Variants in TMEM125 observed in about 807,000 individuals in gnomAD.
The protein encoded by TMEM125 is transmembrane protein 125.
A neutral mutation model predicts 8.7 loss-of-function variants in TMEM125; 11 were observed. The ratio of observed to expected loss-of-function variants is 1.26; its 90% confidence interval spans 0.79 to 2.08. The LOEUF (loss-of-function observed/expected upper bound fraction) is 2.08. Ranked by LOEUF, TMEM125 falls within the 30% of genes most tolerant of loss-of-function variation. TMEM125 has a pLI of 0.00. For synonymous variants in TMEM125, 144 were observed against 146.1 expected, an observed-to-expected ratio of 0.99 and a Z score of 0.10; for missense variants, 270 against 302.4, an observed-to-expected ratio of 0.89 and a Z score of 0.79.
chr1:43,270,423 G>A (rs1442188055), intron 1 of TMEM125, among the ~76,000 whole-genome samples: 3 of 152,110 alleles, frequency 2.0e-5, no homozygotes, highest in Admixed American at 6.5e-5. Context: ...TAGAGTTAGG[G>A]GTTGGTTTTG....
rs1646510866 is a variant in TMEM125 at position 43,273,553 on chromosome 1, C to A, written c.*171C>A. ...GATTAAAAGCCCATGTGTTCCCACA[C>A]ATCCACATCATGGGAAGGTTAATGT... is the stretch of plus-strand genomic sequence containing the variant. On this transcript the variant is annotated 3_prime_UTR_variant, in exon 4 of 4. Coordinates refer to ENST00000439858, the MANE Select transcript of TMEM125 (RefSeq NM_144626.3). The A allele has an allele frequency of 2.4e-6, 2 of 834,928 alleles. No homozygotes were observed. The highest frequency in any genetic ancestry group is 3.7e-6 in the Non-Finnish European group (2 of 538,104). The allele number at this position is 834,928 out of a possible 1,614,324, so 51.7% of individuals were successfully genotyped here.
Position 43,273,006 on chromosome 1 carries a change from A to G in TMEM125, c.284A>G (p.Asn95Ser), listed in dbSNP as rs769960743. The G allele has an allele frequency of 1.9e-6, 3 of 1,612,708 alleles. No homozygotes were observed. The highest frequency in any genetic ancestry group is 2.5e-6 in the Non-Finnish European group (3 of 1,179,082). Residue 95 changes from asparagine (N) to serine (S), a missense_variant, in exon 4 of 4, where the codon AAC becomes AGC. Transcript: ENST00000439858. ...ATGAGCTCGGCTGTGCAGGACATGA[A>G]CTGCATCCGCCAGGCCCACCATGTG... Reference protein sequence around the residue: ...QLMSSAVQDMNCIRQAHHVAL... With the variant: ...QLMSSAVQDMSCIRQAHHVAL...
intron 1 of TMEM125, among the ~76,000 whole-genome samples, 152 bp downstream of exon 1, chr1:43,270,237 T>C (rs1369179156): frequency 6.6e-6 from 1 of 151,962 alleles, no homozygotes; most frequent in Non-Finnish European, 1.5e-5. Context: ...TAGTCCAGAA[T>C]TTGAGTTGGA....
chr1:43,272,673 C>G lies in TMEM125; in HGVS notation c.-50C>G. The G allele has an allele frequency of 2.8e-6, 4 of 1,443,160 alleles. No individual in the cohort carries two copies. The highest frequency in any genetic ancestry group is 3.6e-6 in the Non-Finnish European group (4 of 1,100,628). The allele number at this position is 1,443,160 out of a possible 1,614,324, so 89.4% of individuals were successfully genotyped here. On this transcript the variant is annotated 5_prime_UTR_variant, in exon 4 of 4. Coordinates refer to ENST00000439858, the MANE Select transcript of TMEM125 (RefSeq NM_144626.3). This position sits in a 1 kb window ranked among gnomAD's most constrained non-coding sequence, Gnocchi z 5.0. The stretch of plus-strand genomic sequence containing the variant: ...GGTGCTCCAGGCTGTGATCTGAACC[C>G]TCTGACCCCTGACATTGACCTCCTA...
chr1:43,272,798 T>C lies in TMEM125; in HGVS notation c.76T>C (p.Trp26Arg). ...CATGCTGGCAGAGCAGGTGGAGCTGTGGTGGTCCCAGCAGCCGCGGCGCTC... is the reference window on the plus strand; with the variant it reads ...CATGCTGGCAGAGCAGGTGGAGCTGCGGTGGTCCCAGCAGCCGCGGCGCTC... ...PDMLAEQVELWWSQQPRRSAL... is the reference protein window; with the variant it reads ...PDMLAEQVELRWSQQPRRSAL... Residue 26 changes from tryptophan (W) to arginine (R), a missense_variant, in exon 4 of 4, where the codon TGG becomes CGG. Around this residue, in one of 3 missense-constraint regions of TMEM125, gnomAD observed 215 missense variants for 216.5 expected, o/e 0.99. Transcript: ENST00000439858. The surrounding 1 kb of genome is among the most constrained non-coding windows in gnomAD (Gnocchi z 5.0). 3 of 1,560,596 alleles carry C rather than the reference T, an allele frequency of 1.9e-6. No individual in the cohort carries two copies. The highest frequency in any genetic ancestry group is 2.6e-6 in the Non-Finnish European group (3 of 1,150,438).
Position 43,270,788 on chromosome 1 carries a change from C to T in TMEM125, c.-307C>T, listed in dbSNP as rs1479961210. The T allele has an allele frequency of 6.5e-6, 1 of 153,040 alleles. No individual in the cohort carries two copies. Among genetic ancestry groups the T allele is most frequent in the East Asian group, 1.9e-4 (1 of 5,182 alleles). 9.5% of individuals were successfully genotyped at this position (153,040 alleles called of 1,614,324 possible). A position where few individuals can be genotyped will look rare whatever the true frequency, so the allele number is the denominator to read the frequency against. On this transcript the variant is annotated 5_prime_UTR_variant, in exon 2 of 4. Coordinates refer to ENST00000439858, the MANE Select transcript of TMEM125 (RefSeq NM_144626.3). ...TCGGATCGGATCCAGCACATCCAGG[C>T]TTCTCGTGAGTTCCCCCATTGTCCC...
In TMEM125 at chr1:43,272,825, G is replaced by A; in HGVS notation, c.103G>A (p.Ala35Thr). 1 of 1,572,326 alleles carries A rather than the reference G, an allele frequency of 6.4e-7. No individual in the cohort carries two copies. Among genetic ancestry groups the A allele is most frequent in the Non-Finnish European group, 8.7e-7 (1 of 1,155,922 alleles). Reference sequence around the variant, plus strand: ...GTGGTCCCAGCAGCCGCGGCGCTCGGCGCTCTGCTTCGTCGTGGCCGTGGG... The same window carrying A: ...GTGGTCCCAGCAGCCGCGGCGCTCGACGCTCTGCTTCGTCGTGGCCGTGGG... Reference protein sequence around the residue: ...LWWSQQPRRSALCFVVAVGLV... With the variant: ...LWWSQQPRRSTLCFVVAVGLV... The change falls in exon 4 of 4, where the codon GCG (alanine) becomes ACG (threonine). Residue 35 changes from alanine (A) to threonine (T), a missense_variant. Coordinates refer to ENST00000439858, the MANE Select transcript of TMEM125 (RefSeq NM_144626.3). This position sits in a 1 kb window ranked among gnomAD's most constrained non-coding sequence, Gnocchi z 5.0.
chr1:43,270,083 G>T lies in TMEM125; in HGVS notation c.-417G>T, dbSNP rs1646480492. On this transcript the variant is annotated splice_region_variant and 5_prime_UTR_variant, in exon 1 of 4. It introduces an in-frame stop codon into an upstream open reading frame of the 5' UTR. Coordinates refer to ENST00000439858, the MANE Select transcript of TMEM125 (RefSeq NM_144626.3). ...GGCTGCAGCCTAGGGCCAAGGGATG[G>T]AGGTACTGGGGCTGTGTTTGGGGGT... 6.6e-6 allele frequency: 1 copy of T among 152,376 alleles called. No individual in the cohort carries two copies. The highest frequency in any genetic ancestry group is 2.4e-5 in the African/African-American group (1 of 41,442). 9.4% of individuals were successfully genotyped at this position (152,376 alleles called of 1,614,324 possible).
In TMEM125 at chr1:43,272,533, G is replaced by A; in HGVS notation, c.-145-45G>A. ...CAAGGCTCCCAGGTGGGACCGTGGG[G>A]GACAGGTGGGCTGGGAAGGTAAGAC... On this transcript the variant is annotated intron_variant, in intron 3 of 3. Transcript: ENST00000439858. The surrounding 1 kb of genome is among the most constrained non-coding windows in gnomAD (Gnocchi z 5.0). 1 of 498,858 alleles carries A rather than the reference G, an allele frequency of 2.0e-6. No homozygotes were observed. Among genetic ancestry groups the A allele is most frequent in the Non-Finnish European group, 3.4e-6 (1 of 296,034 alleles). The allele number at this position is 498,858 out of a possible 1,614,324, so 30.9% of individuals were successfully genotyped here.
rs1389831368 is a variant in TMEM125, at chr1:43,273,380, T to G, written c.658T>G (p.Ter220GlyextTer25). 1 of 1,604,726 alleles carries G rather than the reference T, an allele frequency of 6.2e-7. No individual in the cohort carries two copies. Among genetic ancestry groups the G allele is most frequent in the East Asian group, 2.2e-5 (1 of 44,574 alleles). ...ETTSSIASLI[*>G] The stretch of plus-strand genomic sequence containing the variant: ...CACATCCAGCATTGCCAGCCTCATC[T>G]GACGGAGCCAGAGCCGTCCTTCTTC... The change falls in exon 4 of 4, where the codon TGA (stop) becomes GGA (glycine). Residue 220 changes from the stop codon to glycine (G), a stop_lost. Transcript: ENST00000439858.
At position 43,273,957 on chromosome 1, in the gene TMEM125, T is replaced by C. The variant is rs1286035263; in HGVS notation, c.*575T>C. ...CATTGTGTATGGAAGGCGGGGCTCATGGCTGATTGGCAATAAAATGGCGGC... is the reference window on the plus strand; with the variant it reads ...CATTGTGTATGGAAGGCGGGGCTCACGGCTGATTGGCAATAAAATGGCGGC... On this transcript the variant is annotated 3_prime_UTR_variant, in exon 4 of 4. Transcript: ENST00000439858. The C allele has an allele frequency of 1.2e-5, 2 of 167,592 alleles. No individual in the cohort carries two copies. Among genetic ancestry groups the C allele is most frequent in the Non-Finnish European group, 2.9e-5 (2 of 68,808 alleles). 10.4% of individuals were successfully genotyped at this position (167,592 alleles called of 1,614,324 possible). A position where few individuals can be genotyped will look rare whatever the true frequency, so the allele number is the denominator to read the frequency against.
rs1056200617 is a variant in TMEM125, at chr1:43,272,873, G to A, written c.151G>A (p.Gly51Ser). The change falls in exon 4 of 4, where the codon GGC (glycine) becomes AGC (serine). Residue 51 changes from glycine (G) to serine (S), a missense_variant. By Grantham distance (56) the Gly-to-Ser change is moderately conservative (BLOSUM62 0). This residue lies in a region of TMEM125 where 215 missense variants were observed against 216.5 expected (regional missense o/e 0.99). Coordinates refer to ENST00000439858, the MANE Select transcript of TMEM125 (RefSeq NM_144626.3). The surrounding 1 kb of genome is among the most constrained non-coding windows in gnomAD (Gnocchi z 5.0). ...AVGLVAGCGA[G>S]GVALLSTTSS... The stretch of plus-strand genomic sequence containing the variant: ...GGGCCTCGTGGCAGGCTGTGGCGCG[G>A]GCGGCGTGGCACTGCTGTCAACCAC... 1 of 1,585,062 alleles carries A rather than the reference G, an allele frequency of 6.3e-7. No homozygotes were observed. The highest frequency in any genetic ancestry group is 8.6e-7 in the Non-Finnish European group (1 of 1,163,368).
rs72684070 is a variant in TMEM125, at chr1:43,273,524, G to A, written c.*142G>A. ...TCAGCTCTTCTGTGGATTGCATGGC[G>A]TGTGATTAAAAGCCCATGTGTTCCC... On this transcript the variant is annotated 3_prime_UTR_variant, in exon 4 of 4. Transcript: ENST00000439858. 54 of 1,117,632 alleles carry A rather than the reference G, an allele frequency of 4.8e-5. No homozygotes were observed. The South Asian group carries it at 5.6e-4, about 12-fold the overall frequency. The allele number at this position is 1,117,632 out of a possible 1,614,324, so 69.2% of individuals were successfully genotyped here.
In TMEM125 at chr1:43,272,672, C is replaced by CCTCT. The variant is rs774156484; in HGVS notation, c.-50_-47dup. Reference sequence around the variant, plus strand: ...AGGTGCTCCAGGCTGTGATCTGAACCCTCTGACCCCTGACATTGACCTCCT... The same window carrying CCTCT: ...AGGTGCTCCAGGCTGTGATCTGAACCCTCTCTCTGACCCCTGACATTGACCTCCT... On this transcript the variant is annotated 5_prime_UTR_variant, in exon 4 of 4. Coordinates refer to ENST00000439858, the MANE Select transcript of TMEM125 (RefSeq NM_144626.3). This position sits in a 1 kb window ranked among gnomAD's most constrained non-coding sequence, Gnocchi z 5.0. 6.3e-6 allele frequency: 9 copies of CCTCT among 1,437,768 alleles called. No homozygotes were observed. Among genetic ancestry groups the CCTCT allele is most frequent in the South Asian group, 1.5e-5 (1 of 65,366 alleles). The allele number at this position is 1,437,768 out of a possible 1,614,324, so 89.1% of individuals were successfully genotyped here. A position where few individuals can be genotyped will look rare whatever the true frequency, so the allele number is the denominator to read the frequency against.
In TMEM125 at chr1:43,273,261, G is replaced by C; in HGVS notation, c.539G>C (p.Cys180Ser). The C allele has an allele frequency of 6.2e-7, 1 of 1,614,168 alleles. No individual in the cohort carries two copies. Among genetic ancestry groups the C allele is most frequent in the Non-Finnish European group, 8.5e-7 (1 of 1,180,016 alleles). Reference sequence around the variant, plus strand: ...GTGAGCGGACACTGCCCCTCCATCTGTATGGCCACTCCCTCCACCCACAGT... The same window carrying C: ...GTGAGCGGACACTGCCCCTCCATCTCTATGGCCACTCCCTCCACCCACAGT... ...VGVSGHCPSI[C>S]MATPSTHSGH... is the part of the protein sequence containing the mutation. Residue 180 changes from cysteine (C) to serine (S), a missense_variant, in exon 4 of 4, where the codon TGT becomes TCT. Cys to Ser is a moderately radical substitution (Grantham distance 112). Around this residue, in one of 3 missense-constraint regions of TMEM125, gnomAD observed 52 missense variants for 69.4 expected, o/e 0.75. Transcript: ENST00000439858.
chr1:43,273,316 C>T lies in TMEM125; in HGVS notation c.594C>T (p.Ser198=), dbSNP rs573916019. Residue 198 remains serine, a synonymous_variant, in exon 4 of 4, where the codon AGC becomes AGT. Coordinates refer to ENST00000439858, the MANE Select transcript of TMEM125 (RefSeq NM_144626.3). The part of the protein sequence containing the change: ...SGHGGHGSIF[S]ISGQLSAGRR... ...ATGGCGGCCATGGCAGCATCTTCAG[C>T]ATCTCAGGACAGTTGTCTGCTGGCC... The T allele has an allele frequency of 1.1e-5, 18 of 1,614,014 alleles. No homozygotes were observed. Among genetic ancestry groups the T allele is most frequent in the African/African-American group, 2.7e-5 (2 of 75,068 alleles).
rs1031961388 is a variant in TMEM125, at chr1:43,270,787, G to C, written c.-308G>C. 6.5e-6 allele frequency: 1 copy of C among 152,842 alleles called. No individual in the cohort carries two copies. Among genetic ancestry groups the C allele is most frequent in the African/African-American group, 2.4e-5 (1 of 41,440 alleles). 9.5% of individuals were successfully genotyped at this position (152,842 alleles called of 1,614,324 possible). A position where few individuals can be genotyped will look rare whatever the true frequency, so the allele number is the denominator to read the frequency against. ...CTCGGATCGGATCCAGCACATCCAG[G>C]CTTCTCGTGAGTTCCCCCATTGTCC... is the stretch of plus-strand genomic sequence containing the variant. On this transcript the variant is annotated 5_prime_UTR_variant, in exon 2 of 4. Transcript: ENST00000439858.
At position 43,272,558 on chromosome 1, in the gene TMEM125, C is replaced by G; in HGVS notation, c.-145-20C>G. On this transcript the variant is annotated intron_variant, in intron 3 of 3. Coordinates refer to ENST00000439858, the MANE Select transcript of TMEM125 (RefSeq NM_144626.3). This position sits in a 1 kb window ranked among gnomAD's most constrained non-coding sequence, Gnocchi z 5.0. ...GGACAGGTGGGCTGGGAAGGTAAGA[C>G]TGTGATCCTTCCCCTACAGGTGAGG... 1 of 578,118 alleles carries G rather than the reference C, an allele frequency of 1.7e-6. No homozygotes were observed. The highest frequency in any genetic ancestry group is 2.7e-6 in the Non-Finnish European group (1 of 364,266). The allele number at this position is 578,118 out of a possible 1,614,324, so 35.8% of individuals were successfully genotyped here. A position where few individuals can be genotyped will look rare whatever the true frequency, so the allele number is the denominator to read the frequency against.
In TMEM125 at chr1:43,272,664, A is replaced by G; in HGVS notation, c.-59A>G. On this transcript the variant is annotated 5_prime_UTR_variant, in exon 4 of 4. An upstream open reading frame in the 5' UTR loses its in-frame stop. Coordinates refer to ENST00000439858, the MANE Select transcript of TMEM125 (RefSeq NM_144626.3). This position sits in a 1 kb window ranked among gnomAD's most constrained non-coding sequence, Gnocchi z 5.0. ...CAGGTGGCAGGTGCTCCAGGCTGTG[A>G]TCTGAACCCTCTGACCCCTGACATT... 1 of 1,417,456 alleles carries G rather than the reference A, an allele frequency of 7.1e-7. No individual in the cohort carries two copies. The highest frequency in any genetic ancestry group is 9.2e-7 in the Non-Finnish European group (1 of 1,084,360). The allele number at this position is 1,417,456 out of a possible 1,614,324, so 87.8% of individuals were successfully genotyped here.
Sources: gnomAD v4.1 joint callset for allele counts (sites outside exome capture counted in the v4.1 genomes callset) on GRCh38, gnomAD v4.1.1 for gene constraint, gnomAD v4.1.1 regional missense constraint, Gnocchi (gnomAD v3.1) non-coding constraint, MANE v1.5 for transcripts, NCBI Gene and HGNC (gene_info 2026-07-23, HGNC 2026-07-21) for gene names.